The following ABCA13 variants were observed in gnomAD, a reference collection of about 807,000 sequenced individuals.
ABCA13 encodes ATP-binding cassette sub-family A member 13.
In ABCA13, 476 loss-of-function variants were observed where a neutral mutation model predicts 478.7. That is an observed-to-expected ratio of 0.99 (90% CI 0.92 to 1.07). The LOEUF is 1.07. ABCA13 is among the 50% of genes least tolerant of loss of function. ABCA13 has a pLI of 0.00. For missense variants in ABCA13, 6,060 were observed against 5,910.6 expected, an observed-to-expected ratio of 1.03 and a Z score of -0.83; for synonymous variants, 2,252 against 2,158.9, an observed-to-expected ratio of 1.04 and a Z score of -1.20.
chr7:48,258,635 G>T (rs994606578), intron 15 of ABCA13, among the ~76,000 whole-genome samples: 1 of 151,872 alleles, frequency 6.6e-6, no homozygotes, highest in African/African-American at 2.4e-5. Context: ...CTGCTAGCTT[G>T]CTTGCAGAAA....
intron 19 of ABCA13, among the ~76,000 whole-genome samples, chr7:48,287,338 G>A (rs914509630): frequency 4.6e-5 from 7 of 152,206 alleles, no homozygotes; most frequent in African/African-American, 1.7e-4. Flanking sequence ...GCGTAAGGCA[G>A]ATTGGAAGGG....
At chr7:48,329,771 A>G (rs1256404586) in intron 27 of ABCA13, among the ~76,000 whole-genome samples, 1 of 151,726 alleles carries the variant, frequency 6.6e-6, no homozygotes, top group Non-Finnish European at 1.5e-5. Flanking sequence ...TCATCTATGC[A>G]ATCATCCACC....
intron 48 of ABCA13, among the ~76,000 whole-genome samples, chr7:48,502,857 C>G (rs1283169352): frequency 1.3e-5 from 2 of 152,152 alleles, no homozygotes; most frequent in Non-Finnish European, 2.9e-5. Flanking sequence ...GTATTTCTGG[C>G]TACCAACTCT....
chr7:48,455,520 T>G (rs1949924764), intron 43 of ABCA13, among the ~76,000 whole-genome samples: 1 of 152,280 alleles, frequency 6.6e-6, no homozygotes, highest in South Asian at 2.1e-4. Flanking sequence ...CCTGAGCCCC[T>G]GACCCCTCCT....
intron 47 of ABCA13, among the ~76,000 whole-genome samples, chr7:48,486,835 G>A (rs1037164450): frequency 6.6e-6 from 1 of 152,166 alleles, no homozygotes; most frequent in Non-Finnish European, 1.5e-5. Flanking sequence ...TGCATCTGAT[G>A]ATAGCAGAGG....
In ABCA13 at chr7:48,623,155, C is replaced by A. The variant is rs1254847369; in HGVS notation, c.14837+7778C>A. Among the ~76,000 whole-genome samples, 2 of 152,170 alleles carry A rather than the reference C, an allele frequency of 1.3e-5. 1 individual carries two copies. Among genetic ancestry groups the A allele is most frequent in the Middle Eastern group, 6.3e-3 (2 of 316 alleles). ...GCTGCATCTTCAATGGTGTCTGCAC[C>A]AGCAACTCTCTCTTGTTGACATGTC... On this transcript the variant is annotated intron_variant, in intron 59 of 61. Coordinates refer to ENST00000435803, the MANE Select transcript of ABCA13 (RefSeq NM_152701.5).
At chr7:48,268,588 C>G (rs1039797292) in intron 15 of ABCA13, among the ~76,000 whole-genome samples, 6 of 152,206 alleles carry the variant, frequency 3.9e-5, no homozygotes, top group Admixed American at 1.3e-4. Context: ...GCAGCCTTCT[C>G]TGGCACTCTG....
chr7:48,219,246 T>C (rs1444585080), intron 3 of ABCA13, 108 bp from the exon 4 acceptor site: 4 of 1,179,300 alleles, frequency 3.4e-6, no homozygotes, highest in Non-Finnish European at 4.7e-6. Flanking sequence ...AGAGTGTAAG[T>C]TGGTACAAGT....
chr7:48,625,354 G>A (rs1428093014), intron 59 of ABCA13, among the ~76,000 whole-genome samples: 3 of 152,186 alleles, frequency 2.0e-5, no homozygotes, highest in Non-Finnish European at 4.4e-5. Flanking sequence ...AAATGGGGAA[G>A]GAAGTTTGCA....
chr7:48,224,868 T>C (rs1016722306), intron 5 of ABCA13, among the ~76,000 whole-genome samples: 1 of 152,170 alleles, frequency 6.6e-6, no homozygotes, highest in Non-Finnish European at 1.5e-5. Context: ...TCTTTCCACC[T>C]CCTCAGCTCC....
intron 47 of ABCA13, among the ~76,000 whole-genome samples, chr7:48,487,171 G>T (rs143028231): frequency 6.6e-6 from 1 of 151,992 alleles, no homozygotes; most frequent in African/African-American, 2.4e-5. Flanking sequence ...TTAGCCGGGC[G>T]TGGTGGCACA....
At chr7:48,607,294 G>A (rs373580206) in intron 58 of ABCA13, among the ~76,000 whole-genome samples, 1 of 152,328 alleles carries the variant, frequency 6.6e-6, no homozygotes, top group East Asian at 1.9e-4. Flanking sequence ...GGCTAGGAAA[G>A]GGAAATCCCC....
At chr7:48,438,883 G>T (rs1823204393) in intron 42 of ABCA13, among the ~76,000 whole-genome samples, 1 of 98,184 alleles carries the variant, frequency 1.0e-5, no homozygotes, top group Non-Finnish European at 2.2e-5. Context: ...ATTTTGCTAA[G>T]GTTTTTTTTT....
chr7:48,555,329 G>T (rs948259558), intron 55 of ABCA13, among the ~76,000 whole-genome samples: 3 of 151,756 alleles, frequency 2.0e-5, no homozygotes, highest in Non-Finnish European at 4.4e-5. Context: ...GGGTATTAAG[G>T]TAATACTGGC....
intron 1 of ABCA13, among the ~76,000 whole-genome samples, chr7:48,180,816 C>T (rs1327417729): frequency 2.0e-5 from 3 of 152,122 alleles, no homozygotes; most frequent in African/African-American, 7.2e-5. Flanking sequence ...GCAGGAGGAT[C>T]GCTTCAGCCC....
chr7:48,335,284 T>G, intron 27 of ABCA13, 138 bp from the exon 28 acceptor site: 1 of 583,036 alleles, frequency 1.7e-6, no homozygotes, highest in South Asian at 2.5e-5. Flanking sequence ...GAACTTTTCA[T>G]GTTATTGAGG....
At chr7:48,249,581 A>G (rs1009329972) in intron 15 of ABCA13, among the ~76,000 whole-genome samples, 3 of 152,184 alleles carry the variant, frequency 2.0e-5, no homozygotes, top group African/African-American at 7.2e-5. Context: ...AAAATTTATA[A>G]TAGTGACTGC....
intron 55 of ABCA13, among the ~76,000 whole-genome samples, chr7:48,550,451 T>C (rs550682924): frequency 3.5e-4 from 53 of 151,154 alleles, no homozygotes; most frequent in African/African-American, 1.1e-3. Context: ...AGAGACGGGG[T>C]TTCATCATGT....
At chr7:48,640,186 A>G (rs1218489034) in intron 59 of ABCA13, among the ~76,000 whole-genome samples, 1 of 152,212 alleles carries the variant, frequency 6.6e-6, no homozygotes, top group Admixed American at 6.5e-5. Context: ...TTGAGGCTGA[A>G]ATCAATGTAT....
Sources: allele counts gnomAD v4.1 joint callset (sites outside exome capture counted in the v4.1 genomes callset), GRCh38; gene constraint gnomAD v4.1.1; transcripts MANE v1.5; gene names NCBI Gene and HGNC (gene_info 2026-07-23, HGNC 2026-07-21).